Variants in PLEKHM1 observed in about 807,000 individuals in gnomAD.
The protein encoded by PLEKHM1 is pleckstrin homology and RUN domain containing M1.
PLEKHM1 carries 28 observed loss-of-function variants against 94.3 expected under a neutral mutation model. The observed-to-expected ratio is 0.30, with a 90% CI of 0.22 to 0.41. PLEKHM1 has a LOEUF of 0.41. Among genes scored for constraint, PLEKHM1 ranks in the 10% least tolerant of loss-of-function variants. The pLI is 1.00. For synonymous variants in PLEKHM1, 424 were observed against 581.2 expected, an observed-to-expected ratio of 0.73 and a Z score of 3.89; for missense variants, 907 against 1,358.6, an observed-to-expected ratio of 0.67 and a Z score of 5.22.
rs1213768951 is a variant in PLEKHM1 at position 45,470,071 on chromosome 17, C to CA, written c.924-1479dup. 5.7e-3 allele frequency among the ~76,000 whole-genome samples: 795 copies of CA among 140,538 alleles called. 6 individuals carry two copies. The highest frequency in any genetic ancestry group is 0.019 in the African/African-American group (711 of 38,204). The allele number at this position is 140,538 out of a possible 152,430, so 92.2% of individuals were successfully genotyped here. A position where few individuals can be genotyped will look rare whatever the true frequency, so the allele number is the denominator to read the frequency against. On this transcript the variant is annotated intron_variant, in intron 4 of 11. Transcript: ENST00000430334. Reference sequence around the variant, plus strand: ...TGGGTGAAAGAGCGAGACTCCATCTCAAAAAAAAAAAGAGTAACTGATTTT... The same window carrying CA: ...TGGGTGAAAGAGCGAGACTCCATCTCAAAAAAAAAAAAGAGTAACTGATTTT...
rs2050833699 is a variant in PLEKHM1 at position 45,453,419 on chromosome 17, C to T, written c.2433G>A (p.Leu811=). The T allele has an allele frequency of 1.2e-6, 2 of 1,613,600 alleles. No homozygotes were observed. Among genetic ancestry groups the T allele is most frequent in the South Asian group, 2.2e-5 (2 of 91,018 alleles). The change falls in exon 7 of 12, where the codon CTG becomes CTA. Residue 811 remains leucine, a synonymous_variant. Coordinates refer to ENST00000430334, the MANE Select transcript of PLEKHM1 (RefSeq NM_014798.3). This position sits in a 1 kb window ranked among gnomAD's most constrained non-coding sequence, Gnocchi z 4.1. ...TGGGGATAGCCACCAGGTACTGCAG[C>T]AGGAAGCCATTCTCCCGGGTGGCAA... The part of the protein sequence containing the change: ...LKFATRENGF[L]LQYLVAIPME...
chr17:45,458,659 C>T (rs900173553), intron 5 of PLEKHM1, among the ~76,000 whole-genome samples: 27 of 151,722 alleles, frequency 1.8e-4, no homozygotes, highest in Admixed American at 3.3e-4. Context: ...TTAGTAGAGG[C>T]GGGGTTTCAC....
Position 45,488,135 on chromosome 17 carries a change from G to C in PLEKHM1, c.-42+2517C>G, listed in dbSNP as rs527537281. On this transcript the variant is annotated intron_variant, in intron 1 of 11. Transcript: ENST00000430334. ...AGAAACTTTTAGCTTGTGATTCCCA[G>C]ACTCAGGGCTAGTGGATGAGGGCAG... is the stretch of plus-strand genomic sequence containing the variant. Among the ~76,000 whole-genome samples the C allele has an allele frequency of 6.6e-5, 10 of 152,316 alleles. 1 individual carries two copies. Among genetic ancestry groups the C allele is most frequent in the Admixed American group, 5.9e-4 (9 of 15,296 alleles).
intron 4 of PLEKHM1, among the ~76,000 whole-genome samples, chr17:45,472,279 G>C: frequency 6.6e-6 from 1 of 152,018 alleles, no homozygotes; most frequent in Non-Finnish European, 1.5e-5. Context: ...CTGTGTGTTT[G>C]TGCATCTGTA....
Position 45,436,258 on chromosome 17 carries a change from G to C in PLEKHM1, c.*1600C>G. The stretch of plus-strand genomic sequence containing the variant: ...AGGGCTCTGACTAGGCTGGGCTTGT[G>C]GTGGAGCGTTAATGTGGGCCATGGC... On this transcript the variant is annotated 3_prime_UTR_variant, in exon 12 of 12. Coordinates refer to ENST00000430334, the MANE Select transcript of PLEKHM1 (RefSeq NM_014798.3). 2.2e-6 allele frequency: 1 copy of C among 454,266 alleles called. No individual in the cohort carries two copies. The highest frequency in any genetic ancestry group is 4.4e-6 in the Non-Finnish European group (1 of 226,864). 28.1% of individuals were successfully genotyped at this position (454,266 alleles called of 1,614,324 possible). A position where few individuals can be genotyped will look rare whatever the true frequency, so the allele number is the denominator to read the frequency against.
chr17:45,477,990 G>A lies in PLEKHM1; in HGVS notation c.206C>T (p.Ala69Val). The A allele has an allele frequency of 6.2e-7, 1 of 1,614,104 alleles. No individual in the cohort carries two copies. The highest frequency in any genetic ancestry group is 8.5e-7 in the Non-Finnish European group (1 of 1,179,948). ...IHGLHAKHIR[A>V]EAGGKRKKSA... Reference sequence around the variant, plus strand: ...TTTCTTCCTTTTTCCTCCGGCCTCAGCTCGGATGTGCTTGGCGTGCAGGCC... The same window carrying A: ...TTTCTTCCTTTTTCCTCCGGCCTCAACTCGGATGTGCTTGGCGTGCAGGCC... Residue 69 changes from alanine (A) to valine (V), a missense_variant, in exon 3 of 12, where the codon GCT (alanine) becomes GTT (valine). By Grantham distance (64) the Ala-to-Val change is moderately conservative. This residue lies in a region of PLEKHM1 where 176 missense variants were observed against 306.0 expected (regional missense o/e 0.58). Coordinates refer to ENST00000430334, the MANE Select transcript of PLEKHM1 (RefSeq NM_014798.3).
Position 45,475,610 on chromosome 17 carries a change from A to C in PLEKHM1, c.413T>G (p.Leu138Arg). ...ATGCAAGCGGGCCTGCTCCTGCAGC[A>C]GCAGCTTCAGGTAGCACTCCATCAG... ...DGLMECYLKL[L>R]LQEQARLHEY... The change falls in exon 4 of 12, where the codon CTG (leucine) becomes CGG (arginine). Residue 138 changes from leucine to arginine, a missense_variant. Physicochemically the swap from Leu to Arg is moderately radical, Grantham distance 102. This residue lies in a region of PLEKHM1 where 176 missense variants were observed against 306.0 expected (regional missense o/e 0.58). Coordinates refer to ENST00000430334, the MANE Select transcript of PLEKHM1 (RefSeq NM_014798.3). 6.2e-7 allele frequency: 1 copy of C among 1,614,036 alleles called. No individual in the cohort carries two copies. Among genetic ancestry groups the C allele is most frequent in the Non-Finnish European group, 8.5e-7 (1 of 1,179,948 alleles).
At chr17:45,486,738 G>A (rs1427633677) in intron 1 of PLEKHM1, among the ~76,000 whole-genome samples, 2 of 152,164 alleles carry the variant, frequency 1.3e-5, no homozygotes, top group East Asian at 3.8e-4. Context: ...ACAGGACTGA[G>A]CCTCTGGGGT....
At chr17:45,456,876 C>T (rs1418106671) in intron 6 of PLEKHM1, among the ~76,000 whole-genome samples, 4 of 152,196 alleles carry the variant, frequency 2.6e-5, no homozygotes, top group Non-Finnish European at 4.4e-5. Context: ...ATCAAGCTGA[C>T]CTTGCTGTAA....
chr17:45,473,705 C>T (rs1282956693), intron 4 of PLEKHM1, among the ~76,000 whole-genome samples: 5 of 151,822 alleles, frequency 3.3e-5, no homozygotes, highest in African/African-American at 1.2e-4. Context: ...ACTTCAGGCG[C>T]CCGCCACCAC....
rs756694397 is a variant in PLEKHM1 at position 45,453,867 on chromosome 17, G to C, written c.1985C>G (p.Ser662Trp). ...TGTGCCCTGGAGGGCCGCGGGCTCC[G>C]AGAGCAGGTCTGAGGGAGAGAGGCA... ...QGCLSPSDLL[S>W]EPAALQGTQF... is the part of the protein sequence containing the mutation. Residue 662 changes from serine (S) to tryptophan (W), a missense_variant, in exon 7 of 12, where the codon TCG (serine) becomes TGG (tryptophan). Coordinates refer to ENST00000430334, the MANE Select transcript of PLEKHM1 (RefSeq NM_014798.3). The surrounding 1 kb of genome is among the most constrained non-coding windows in gnomAD (Gnocchi z 4.1). The C allele has an allele frequency of 1.9e-6, 3 of 1,613,842 alleles. No homozygotes were observed. Among genetic ancestry groups the C allele is most frequent in the Non-Finnish European group, 2.5e-6 (3 of 1,179,864 alleles).
intron 3 of PLEKHM1, among the ~76,000 whole-genome samples, chr17:45,476,267 G>A (rs1320687122): frequency 1.3e-5 from 2 of 150,726 alleles, no homozygotes; most frequent in Non-Finnish European, 2.9e-5. Context: ...CAACTACCAC[G>A]GGGCCCCTGA....
chr17:45,479,729 T>C (rs1237868237), intron 2 of PLEKHM1, among the ~76,000 whole-genome samples: 1 of 141,002 alleles, frequency 7.1e-6, no homozygotes, highest in Non-Finnish European at 1.6e-5. Flanking sequence ...AAAAAACATA[T>C]ATATAAAAGA....
intron 1 of PLEKHM1, chr17:45,487,599 A>C: frequency 2.4e-6 from 1 of 413,000 alleles, no homozygotes; most frequent in Non-Finnish European, 4.9e-6. Flanking sequence ...AAATGTTCCA[A>C]CATAGTTAGG....
At chr17:45,463,535 G>C (rs1226071746) in intron 5 of PLEKHM1, among the ~76,000 whole-genome samples, 1 of 152,230 alleles carries the variant, frequency 6.6e-6, no homozygotes, top group East Asian at 1.9e-4. Flanking sequence ...TGGGATAACA[G>C]GCTCACGCCA....
intron 8 of PLEKHM1, among the ~76,000 whole-genome samples, chr17:45,447,158 C>A (rs950040672): frequency 2.0e-5 from 3 of 152,222 alleles, no homozygotes; most frequent in African/African-American, 7.2e-5. Flanking sequence ...GCCCTGTTGT[C>A]CCCTTGAGGG....
Position 45,444,652 on chromosome 17 carries a change from C to T in PLEKHM1, c.2837+818G>A, listed in dbSNP as rs1386029894. On this transcript the variant is annotated intron_variant, in intron 9 of 11. Transcript: ENST00000430334. The surrounding 1 kb of genome is among the most constrained non-coding windows in gnomAD (Gnocchi z 5.0). ...CACTGTAGCCAAAGTTCTCCCTGGG[C>T]TTTCCACCAACGGTGCCTTCGTTCA... 6.6e-6 allele frequency among the ~76,000 whole-genome samples: 1 copy of T among 152,244 alleles called. No homozygotes were observed. The highest frequency in any genetic ancestry group is 1.9e-4 in the East Asian group (1 of 5,202).
chr17:45,464,720 A>T (rs560741018), intron 5 of PLEKHM1, among the ~76,000 whole-genome samples: 2 of 152,182 alleles, frequency 1.3e-5, no homozygotes, highest in Admixed American at 6.5e-5. Flanking sequence ...CCTTCCAGCA[A>T]TCAGAGTCCC....
At position 45,453,994 on chromosome 17, in the gene PLEKHM1, C is replaced by G. The variant is rs1214087520; in HGVS notation, c.1858G>C (p.Val620Leu). Residue 620 changes from valine to leucine, a missense_variant, in exon 7 of 12, where the codon GTG becomes CTG. Around this residue, in one of 3 missense-constraint regions of PLEKHM1, gnomAD observed 477 missense variants for 601.5 expected, o/e 0.79. Transcript: ENST00000430334. This position sits in a 1 kb window ranked among gnomAD's most constrained non-coding sequence, Gnocchi z 4.1. ...QDEAEDWLDR[V>L]REALQKVRPQ... ...CGGACCTTCTGCAGGGCCTCCCGCA[C>G]CCGGTCCAGCCAGTCCTCAGCTTCG... 6.2e-7 allele frequency: 1 copy of G among 1,613,930 alleles called. No individual in the cohort carries two copies. The highest frequency in any genetic ancestry group is 8.5e-7 in the Non-Finnish European group (1 of 1,179,926).
Sources: gnomAD v4.1 joint callset for allele counts (sites outside exome capture counted in the v4.1 genomes callset) on GRCh38, gnomAD v4.1.1 for gene constraint, gnomAD v4.1.1 regional missense constraint, Gnocchi (gnomAD v3.1) non-coding constraint, MANE v1.5 for transcripts, NCBI Gene and HGNC (gene_info 2026-07-23, HGNC 2026-07-21) for gene names.